AGAP1: variants seen among roughly 807,000 people sequenced by gnomAD.
AGAP1 encodes the protein arf-GAP with GTPase, ANK repeat and PH domain-containing protein 1.
In AGAP1, 29 loss-of-function variants were observed where a neutral mutation model predicts 105.3. The observed-to-expected ratio is 0.28, with a 90% CI of 0.21 to 0.38. The LOEUF (loss-of-function observed/expected upper bound fraction) is 0.38. Ranked by LOEUF, AGAP1 falls within the 10% of genes least tolerant of loss-of-function variation. The probability of loss-of-function intolerance (pLI) is 1.00; values close to 1 mark genes in which losing one functional copy is unlikely to be tolerated. For synonymous variants in AGAP1, 509 were observed against 485.9 expected (o/e 1.05, Z -0.63); for missense variants, 998 against 1,165.1 (o/e 0.86, Z 2.09).
chr2:235,866,291 C>T lies in AGAP1; in HGVS notation c.1051-17054C>T, dbSNP rs1460474821. ...CTACTGATGTGGGAATCTGGGAGCC[C>T]GAGCCGACTCAGACAGTCCTGACTC... On this transcript the variant is annotated intron_variant, in intron 9 of 17. Transcript: ENST00000304032. This position sits in a 1 kb window ranked among gnomAD's most constrained non-coding sequence, Gnocchi z 6.1. Among the ~76,000 whole-genome samples the T allele has an allele frequency of 6.6e-6, 1 of 152,074 alleles. No homozygotes were observed. The highest frequency in any genetic ancestry group is 1.5e-5 in the Non-Finnish European group (1 of 68,024).
intron 15 of AGAP1, among the ~76,000 whole-genome samples, chr2:236,048,319 A>G (rs1262407603): frequency 6.6e-6 from 1 of 152,146 alleles, no homozygotes; most frequent in African/African-American, 2.4e-5. Context: ...TGCTGTCTGA[A>G]TCCATTTCTT....
At chr2:235,952,013 A>C (rs2053758322) in intron 12 of AGAP1, among the ~76,000 whole-genome samples, 1 of 152,204 alleles carries the variant, frequency 6.6e-6, no homozygotes, top group Non-Finnish European at 1.5e-5. Context: ...ACAGTTGTTT[A>C]ATAGTGTAGT....
intron 13 of AGAP1, among the ~76,000 whole-genome samples, chr2:235,995,264 C>G (rs2055760526): frequency 6.6e-6 from 1 of 151,836 alleles, no homozygotes; most frequent in Middle Eastern, 3.2e-3. Flanking sequence ...CCTGTAATCC[C>G]AACACTTTGG....
chr2:235,960,106 A>C lies in AGAP1; in HGVS notation c.1484-8356A>C, dbSNP rs1450957876. On this transcript the variant is annotated intron_variant, in intron 12 of 17. Coordinates refer to ENST00000304032, the MANE Select transcript of AGAP1 (RefSeq NM_001037131.3). The surrounding 1 kb of genome is among the most constrained non-coding windows in gnomAD (Gnocchi z 4.9). ...TCACTGCCTCAACTCCATGCCTCCAAATGGGGGCGGGGAGGGTGCTTGCGG... is the reference window on the plus strand; with the variant it reads ...TCACTGCCTCAACTCCATGCCTCCACATGGGGGCGGGGAGGGTGCTTGCGG... Among the ~76,000 whole-genome samples the C allele has an allele frequency of 6.6e-6, 1 of 152,042 alleles. No homozygotes were observed. Among genetic ancestry groups the C allele is most frequent in the Non-Finnish European group, 1.5e-5 (1 of 67,986 alleles).
rs1261192835 is a variant in AGAP1 at position 235,964,709 on chromosome 2, A to G, written c.1484-3753A>G. Among the ~76,000 whole-genome samples, 1 of 152,284 alleles carries G rather than the reference A, an allele frequency of 6.6e-6. No individual in the cohort carries two copies. The highest frequency in any genetic ancestry group is 1.9e-4 in the East Asian group (1 of 5,186). ...TATCTATAGCTTTTATCTGATATTC[A>G]GTGGAATCTAGTATTTCAGAAATAC... On this transcript the variant is annotated intron_variant, in intron 12 of 17. Transcript: ENST00000304032. The surrounding 1 kb of genome is among the most constrained non-coding windows in gnomAD (Gnocchi z 4.6).
At chr2:235,499,194 A>G (rs1009682543) in intron 1 of AGAP1, among the ~76,000 whole-genome samples, 7 of 152,224 alleles carry the variant, frequency 4.6e-5, no homozygotes, top group Middle Eastern at 6.8e-3. Flanking sequence ...AGCCCCTGTT[A>G]TTCATACTTC....
chr2:235,956,920 G>A (rs998402147), intron 12 of AGAP1, among the ~76,000 whole-genome samples: 24 of 152,230 alleles, frequency 1.6e-4, no homozygotes, highest in Non-Finnish European at 1.0e-4. Flanking sequence ...TCACTAGACC[G>A]TATAGTGGAC....
At chr2:235,573,777 T>G (rs1231581307) in intron 1 of AGAP1, among the ~76,000 whole-genome samples, 1 of 152,024 alleles carries the variant, frequency 6.6e-6, no homozygotes, top group Non-Finnish European at 1.5e-5. Flanking sequence ...GAGAGTCAGG[T>G]CAGGGGTGGC....
intron 1 of AGAP1, among the ~76,000 whole-genome samples, chr2:235,537,540 T>C (rs1051153549): frequency 7.9e-5 from 12 of 152,210 alleles, no homozygotes; most frequent in Non-Finnish European, 1.8e-4. Flanking sequence ...CTTGTGTTCA[T>C]GTCTTGGCTG....
rs2049793360 is a variant in AGAP1, at chr2:235,877,316, TA to T, written c.1051-6027del. 6.6e-6 allele frequency among the ~76,000 whole-genome samples: 1 copy of T among 152,158 alleles called. No individual in the cohort carries two copies. Among genetic ancestry groups the T allele is most frequent in the African/African-American group, 2.4e-5 (1 of 41,424 alleles). On this transcript the variant is annotated intron_variant, in intron 9 of 17. Coordinates refer to ENST00000304032, the MANE Select transcript of AGAP1 (RefSeq NM_001037131.3). This position sits in a 1 kb window ranked among gnomAD's most constrained non-coding sequence, Gnocchi z 4.3. ...TATTAAACATTTAAATTAATACCAT[TA>T]ATTTACTGTGCATTTAATGTTAAGG...
At chr2:235,523,229 C>A (rs1252110332) in intron 1 of AGAP1, among the ~76,000 whole-genome samples, 1 of 152,190 alleles carries the variant, frequency 6.6e-6, no homozygotes, top group African/African-American at 2.4e-5. Flanking sequence ...CTGATCACCT[C>A]CCAGAGGCCC....
intron 1 of AGAP1, among the ~76,000 whole-genome samples, chr2:235,502,010 G>C (rs1466244251): frequency 6.6e-6 from 1 of 152,170 alleles, no homozygotes; most frequent in East Asian, 1.9e-4. Flanking sequence ...AGGGGTACAA[G>C]TGCTTTGTGT....
chr2:235,822,542 A>C (rs1481794974), intron 9 of AGAP1, among the ~76,000 whole-genome samples: 1 of 148,680 alleles, frequency 6.7e-6, no homozygotes, highest in Non-Finnish European at 1.5e-5. Flanking sequence ...GAAGCTGAAG[A>C]AGCTCAAGGG....
chr2:235,547,999 A>G (rs978397968), intron 1 of AGAP1, among the ~76,000 whole-genome samples: 4 of 152,258 alleles, frequency 2.6e-5, no homozygotes, highest in Non-Finnish European at 5.9e-5. Flanking sequence ...ATGCAGGTAT[A>G]GCGGTGACAG....
intron 1 of AGAP1, among the ~76,000 whole-genome samples, chr2:235,590,815 G>A (rs1211749595): frequency 6.7e-6 from 1 of 148,404 alleles, no homozygotes; most frequent in East Asian, 2.0e-4. Context: ...CTACCTCCCG[G>A]GTTCATGCCA....
chr2:235,583,222 T>G (rs1944992014), intron 1 of AGAP1, among the ~76,000 whole-genome samples: 1 of 151,916 alleles, frequency 6.6e-6, no homozygotes, highest in African/African-American at 2.4e-5. Context: ...TTAGACCAAG[T>G]CTCACTCTGT....
Position 235,710,891 on chromosome 2 carries a change from G to A in AGAP1, c.222+1654G>A, listed in dbSNP as rs566141146. On this transcript the variant is annotated intron_variant, in intron 2 of 17. Coordinates refer to ENST00000304032, the MANE Select transcript of AGAP1 (RefSeq NM_001037131.3). ...TGTGGATACAGCGCTGGCTCTGTGC[G>A]GGTCGTGTTCTAAGTGCTTTACAAA... is the stretch of plus-strand genomic sequence containing the variant. Among the ~76,000 whole-genome samples the A allele has an allele frequency of 9.5e-4, 144 of 152,284 alleles. 1 individual carries two copies. The highest frequency in any genetic ancestry group is 3.4e-3 in the Middle Eastern group (1 of 294).
chr2:235,994,325 G>GGT lies in AGAP1; in HGVS notation c.1645+25705_1645+25706dup, dbSNP rs567987219. On this transcript the variant is annotated intron_variant, in intron 13 of 17. Coordinates refer to ENST00000304032, the MANE Select transcript of AGAP1 (RefSeq NM_001037131.3). The surrounding 1 kb of genome is among the most constrained non-coding windows in gnomAD (Gnocchi z 4.4). Reference sequence around the variant, plus strand: ...CTCCTGAAAGCTGGTTCCATTTAGGGGTGTTCCCTGTCATTTTCGTGCTGT... The same window carrying GGT: ...CTCCTGAAAGCTGGTTCCATTTAGGGGTGTGTTCCCTGTCATTTTCGTGCTGT... 1.3e-3 allele frequency among the ~76,000 whole-genome samples: 194 copies of GGT among 152,172 alleles called. 3 individuals are homozygous for GGT. Among genetic ancestry groups the GGT allele is most frequent in the Non-Finnish European group, 3.5e-4 (24 of 68,006 alleles).
rs752187397 is a variant in AGAP1 at position 235,852,576 on chromosome 2, A to G, written c.1051-30769A>G. The G allele has an allele frequency of 2.8e-5, 30 of 1,061,638 alleles. No homozygotes were observed. In the Middle Eastern group the frequency reaches 6.7e-4, roughly 24 times the overall value. The allele number at this position is 1,061,638 out of a possible 1,614,324, so 65.8% of individuals were successfully genotyped here. A position where few individuals can be genotyped will look rare whatever the true frequency, so the allele number is the denominator to read the frequency against. On this transcript the variant is annotated intron_variant, in intron 9 of 17. Coordinates refer to ENST00000304032, the MANE Select transcript of AGAP1 (RefSeq NM_001037131.3). ...AGTCAAGTTTTATCTCTTAATGAATAGAGACTGCTGAAGTAAGGGTTAGGT... is the reference window on the plus strand; with the variant it reads ...AGTCAAGTTTTATCTCTTAATGAATGGAGACTGCTGAAGTAAGGGTTAGGT...
Sources: gnomAD v4.1 joint callset for allele counts (sites outside exome capture counted in the v4.1 genomes callset) on GRCh38, gnomAD v4.1.1 for gene constraint, Gnocchi (gnomAD v3.1) non-coding constraint, MANE v1.5 for transcripts, NCBI Gene and HGNC (gene_info 2026-07-23, HGNC 2026-07-21) for gene names.